GOLIM4: variants seen among roughly 807,000 people sequenced by gnomAD.
The protein encoded by GOLIM4 is 130 kDa golgi-localized phosphoprotein.
In GOLIM4, 71 loss-of-function variants were observed where a neutral mutation model predicts 107.4. The observed-to-expected ratio is 0.66, with a 90% CI of 0.55 to 0.81. The LOEUF is 0.81. Ranked by LOEUF, GOLIM4 falls within the 30% of genes least tolerant of loss-of-function variation. The pLI is 0.00. For synonymous variants in GOLIM4, 327 were observed against 294.8 expected (o/e 1.11, Z -1.12); for missense variants, 830 against 826.1 (o/e 1.00, Z -0.06).
intron 1 of GOLIM4, among the ~76,000 whole-genome samples, chr3:168,088,628 T>C (rs1471155787): frequency 1.3e-5 from 2 of 152,194 alleles, no homozygotes; most frequent in South Asian, 2.1e-4. Flanking sequence ...TGCTTTTCTT[T>C]TAGGACATAA....
At chr3:168,030,697 C>A (rs1718280633) in intron 9 of GOLIM4, among the ~76,000 whole-genome samples, 1 of 152,014 alleles carries the variant, frequency 6.6e-6, no homozygotes, top group African/African-American at 2.4e-5. Context: ...TGGCTTTTAT[C>A]AAAAAGGCAA....
chr3:168,020,724 A>T (rs1297878830), intron 14 of GOLIM4, among the ~76,000 whole-genome samples: 1 of 152,230 alleles, frequency 6.6e-6, no homozygotes, highest in East Asian at 1.9e-4. Flanking sequence ...CCACACATAT[A>T]GAGAACAAAC....
chr3:168,042,249 T>C (rs1176885343), intron 5 of GOLIM4, among the ~76,000 whole-genome samples: 1 of 152,146 alleles, frequency 6.6e-6, no homozygotes, highest in African/African-American at 2.4e-5. Context: ...CTATTTTTTT[T>C]TTTTGACAGA....
intron 1 of GOLIM4, among the ~76,000 whole-genome samples, chr3:168,087,807 A>G (rs1298349814): frequency 6.6e-6 from 1 of 152,248 alleles, no homozygotes; most frequent in East Asian, 1.9e-4. Context: ...GCTCATTCAG[A>G]TTAAAGTGCT....
intron 2 of GOLIM4, among the ~76,000 whole-genome samples, chr3:168,047,935 T>G (rs774451544): frequency 1.3e-5 from 2 of 152,168 alleles, no homozygotes; most frequent in African/African-American, 2.4e-5. Flanking sequence ...ATCCTGTTAC[T>G]TCCCCCCCAA....
intron 12 of GOLIM4, among the ~76,000 whole-genome samples, chr3:168,027,233 T>C (rs1209226639): frequency 1.3e-5 from 2 of 152,256 alleles, no homozygotes; most frequent in East Asian, 3.9e-4. Flanking sequence ...AGACCACATA[T>C]CCTTATCCAT....
At chr3:168,083,514 G>C (rs1207579829) in intron 1 of GOLIM4, among the ~76,000 whole-genome samples, 1 of 152,054 alleles carries the variant, frequency 6.6e-6, no homozygotes, top group Non-Finnish European at 1.5e-5. Flanking sequence ...CAGGTCAAAC[G>C]GTTTAAATAC....
chr3:168,021,868 T>G (rs1244177914), intron 14 of GOLIM4, among the ~76,000 whole-genome samples: 1 of 152,212 alleles, frequency 6.6e-6, no homozygotes, highest in Non-Finnish European at 1.5e-5. Flanking sequence ...CTTGGTCATT[T>G]AATCTATATA....
intron 9 of GOLIM4, among the ~76,000 whole-genome samples, chr3:168,031,201 A>G (rs1445915849): frequency 6.6e-6 from 1 of 152,174 alleles, no homozygotes; most frequent in African/African-American, 2.4e-5. Context: ...AGGGGGATGA[A>G]GAGAGACTGA....
At chr3:168,030,121 G>C (rs904460145) in intron 9 of GOLIM4, 85 bp from the exon 10 acceptor site, 42 of 1,342,058 alleles carry the variant, frequency 3.1e-5, no homozygotes, top group Non-Finnish European at 4.0e-5. Context: ...ACAAACTCAG[G>C]AGGCAGAGCT....
In GOLIM4 at chr3:168,037,216, C is replaced by A. The variant is rs528247393; in HGVS notation, c.685-222G>T. On this transcript the variant is annotated intron_variant, in intron 7 of 15. Coordinates refer to ENST00000470487, the MANE Select transcript of GOLIM4 (RefSeq NM_014498.5). The stretch of plus-strand genomic sequence containing the variant: ...GAGCTGAAGGAAACAGAAAAAATAT[C>A]TAAGACAGATGTTAGTTTCCCATAC... 7.2e-5 allele frequency among the ~76,000 whole-genome samples: 11 copies of A among 152,236 alleles called. No individual in the cohort carries two copies. In the East Asian group the frequency reaches 1.7e-3, roughly 24 times the overall value.
At chr3:168,065,197 A>AT (rs953937915) in intron 1 of GOLIM4, among the ~76,000 whole-genome samples, 17 of 152,202 alleles carry the variant, frequency 1.1e-4, no homozygotes, top group Admixed American at 6.5e-5. Context: ...TGATGTTAAA[A>AT]TTCTGTGATT....
In GOLIM4 at chr3:168,009,026, T is replaced by G. The variant is rs1358914010; in HGVS notation, c.*1243A>C. 6.6e-6 allele frequency: 1 copy of G among 152,116 alleles called. No individual in the cohort carries two copies. The highest frequency in any genetic ancestry group is 1.5e-5 in the Non-Finnish European group (1 of 67,978). 9.4% of individuals were successfully genotyped at this position (152,116 alleles called of 1,614,324 possible). A position where few individuals can be genotyped will look rare whatever the true frequency, so the allele number is the denominator to read the frequency against. ...AGAAAATGAAATGTTTTTATTAATT[T>G]GATTATTAATACAAAACCACACATA... On this transcript the variant is annotated 3_prime_UTR_variant, in exon 16 of 16. Transcript: ENST00000470487.
chr3:168,037,806 C>A (rs1718748004), intron 7 of GOLIM4, among the ~76,000 whole-genome samples: 1 of 152,144 alleles, frequency 6.6e-6, no homozygotes, highest in African/African-American at 2.4e-5. Flanking sequence ...CTTTAATTAA[C>A]AAAATCAAGA....
At chr3:168,039,240 T>A (rs1577527826) in intron 7 of GOLIM4, among the ~76,000 whole-genome samples, 1 of 150,912 alleles carries the variant, frequency 6.6e-6, no homozygotes, top group African/African-American at 2.4e-5. Flanking sequence ...TAGAAAATTA[T>A]AACTATATAT....
At chr3:168,080,188 C>T (rs1191620559) in intron 1 of GOLIM4, among the ~76,000 whole-genome samples, 2 of 152,088 alleles carry the variant, frequency 1.3e-5, no homozygotes, top group Non-Finnish European at 2.9e-5. Context: ...CTGACAAATT[C>T]CAGACCTGCC....
chr3:168,042,572 T>C (rs1719079917), intron 5 of GOLIM4, among the ~76,000 whole-genome samples: 1 of 152,232 alleles, frequency 6.6e-6, no homozygotes, highest in South Asian at 2.1e-4. Flanking sequence ...TGAGCCACCG[T>C]CCCCGGTTGA....
In GOLIM4 at chr3:168,036,993, G is replaced by A; in HGVS notation, c.686C>T (p.Thr229Ile). Residue 229 changes from threonine to isoleucine, a missense_variant and splice_region_variant, in exon 8 of 16, where the codon ACT (threonine) becomes ATT (isoleucine). Physicochemically the swap from Thr to Ile is moderately conservative, Grantham distance 89 (BLOSUM62 -1). Coordinates refer to ENST00000470487, the MANE Select transcript of GOLIM4 (RefSeq NM_014498.5). ...DHKSALAAAQ[T>I]QVAEYKQLKD... is the part of the protein sequence containing the mutation. ...CAGTTGTTTATATTCTGCAACTTGA[G>A]TCTGCATATAAATTGCACAATTTGA... 1 of 1,490,166 alleles carries A rather than the reference G, an allele frequency of 6.7e-7. No homozygotes were observed. Among genetic ancestry groups the A allele is most frequent in the Middle Eastern group, 1.9e-4 (1 of 5,390 alleles). 92.3% of individuals were successfully genotyped at this position (1,490,166 alleles called of 1,614,324 possible).
chr3:168,074,357 C>T (rs561379872), intron 1 of GOLIM4, among the ~76,000 whole-genome samples: 6 of 152,184 alleles, frequency 3.9e-5, no homozygotes, highest in Non-Finnish European at 5.9e-5. Context: ...AACTAGTCAA[C>T]TTTTCAGGAA....
Sources: gnomAD v4.1 joint callset for allele counts (sites outside exome capture counted in the v4.1 genomes callset) on GRCh38, gnomAD v4.1.1 for gene constraint, MANE v1.5 for transcripts, NCBI Gene and HGNC (gene_info 2026-07-23, HGNC 2026-07-21) for gene names.